RASGRP1: variants seen among roughly 807,000 people sequenced by gnomAD.
The protein encoded by RASGRP1 is RAS guanyl-releasing protein 1.
RASGRP1 carries 37 observed loss-of-function variants against 95.1 expected under a neutral mutation model. That is an observed-to-expected ratio of 0.39 (90% CI 0.30 to 0.51). The LOEUF (loss-of-function observed/expected upper bound fraction) is 0.51. RASGRP1 is among the 20% of genes least tolerant of loss of function. The pLI is 0.80. For missense variants in RASGRP1, 711 were observed against 965.4 expected (o/e 0.74, Z 3.49); for synonymous variants, 325 against 353.4 (o/e 0.92, Z 0.90).
chr15:38,498,383 ATATAT>A (rs1322312626), intron 15 of RASGRP1, among the ~76,000 whole-genome samples: 4 of 152,108 alleles, frequency 2.6e-5, no homozygotes, highest in African/African-American at 7.2e-5. Context: ...AATGTGATTT[ATATAT>A]TATATATGTT....
At chr15:38,497,941 T>C (rs1164130330) in intron 15 of RASGRP1, among the ~76,000 whole-genome samples, 2 of 152,202 alleles carry the variant, frequency 1.3e-5, no homozygotes, top group Non-Finnish European at 2.9e-5. Flanking sequence ...CCTTTCTACA[T>C]TTAGCCTTCT....
chr15:38,497,039 A>G (rs886557123), intron 15 of RASGRP1, among the ~76,000 whole-genome samples: 5 of 152,232 alleles, frequency 3.3e-5, no homozygotes, highest in Non-Finnish European at 4.4e-5. Flanking sequence ...AGTGCTTTAT[A>G]TAAATAAACT....
intron 2 of RASGRP1, among the ~76,000 whole-genome samples, chr15:38,544,746 C>G (rs377658668): frequency 6.6e-6 from 1 of 152,208 alleles, no homozygotes; most frequent in Non-Finnish European, 1.5e-5. Flanking sequence ...TAAGATACTC[C>G]GCAAGGCAAG....
Position 38,516,262 on chromosome 15 carries a change from G to C in RASGRP1, c.610C>G (p.Leu204Val). 1.2e-6 allele frequency: 2 copies of C among 1,601,858 alleles called. No homozygotes were observed. The highest frequency in any genetic ancestry group is 1.7e-6 in the Non-Finnish European group (2 of 1,168,914). ...KRKVSLLFDH[L>V]EPEELSEHLT... ...TGCTCGGATAGCTCTTCTGGTTCCA[G>C]ATGGTCAAAGAGCAGGGAGACTTTC... Residue 204 changes from leucine (L) to valine (V), a missense_variant, in exon 6 of 17, where the codon CTG becomes GTG. Leu to Val is a conservative substitution (Grantham distance 32). This residue lies in a region of RASGRP1 where 491 missense variants were observed against 676.6 expected (regional missense o/e 0.73). Transcript: ENST00000310803.
rs1284567130 is a variant in RASGRP1, at chr15:38,488,911, G to A, written c.*1643C>T. The stretch of plus-strand genomic sequence containing the variant: ...ATTTCTGAGTTTAAATTTGGAAAAC[G>A]GTAAATACGTGTGTAAAACTATTCT... On this transcript the variant is annotated 3_prime_UTR_variant, in exon 17 of 17. Transcript: ENST00000310803. 1.3e-5 allele frequency: 2 copies of A among 151,908 alleles called. No individual in the cohort carries two copies. Among genetic ancestry groups the A allele is most frequent in the African/African-American group, 2.4e-5 (1 of 41,392 alleles). The allele number at this position is 151,908 out of a possible 1,614,324, so 9.4% of individuals were successfully genotyped here.
chr15:38,511,524 G>A (rs1313892276), intron 8 of RASGRP1, 80 bp downstream of exon 8: 1 of 1,107,374 alleles, frequency 9.0e-7, no homozygotes, highest in Non-Finnish European at 1.4e-6. Context: ...AATGCTCTCT[G>A]GGCTGCCCAC....
At chr15:38,564,569 G>A in intron 1 of RASGRP1, 25 bp downstream of exon 1, 3 of 1,367,678 alleles carry the variant, frequency 2.2e-6, no homozygotes, top group Non-Finnish European at 2.9e-6. Context: ...AGGCGCTCCC[G>A]AGGGCCACGG....
In RASGRP1 at chr15:38,502,400, GATC is replaced by G. The variant is rs1163072042; in HGVS notation, c.1447_1449del (p.Asp483del). On this transcript the variant is annotated inframe_deletion, in exon 12 of 17. Transcript: ENST00000310803. ...TGAGAAATGTATCCATCCTGGTCGT[GATC>G]ATAGTTCTTGAAGACAGACTGTGAA... 10 of 1,600,588 alleles carry G rather than the reference GATC, an allele frequency of 6.2e-6. No homozygotes were observed. Among genetic ancestry groups the G allele is most frequent in the Non-Finnish European group, 8.6e-6 (10 of 1,168,090 alleles).
chr15:38,516,481 A>G (rs1340891233), intron 5 of RASGRP1, 131 bp from the exon 6 acceptor site: 1 of 1,129,108 alleles, frequency 8.9e-7, no homozygotes, highest in Non-Finnish European at 1.3e-6. Context: ...GAATGCCAAA[A>G]CAGTGCATTC....
intron 2 of RASGRP1, among the ~76,000 whole-genome samples, chr15:38,527,092 T>G (rs1392124937): frequency 6.6e-6 from 1 of 152,240 alleles, no homozygotes; most frequent in African/African-American, 2.4e-5. Context: ...TAAGATGCAT[T>G]TATACACTGG....
chr15:38,505,279 G>A (rs931753651), intron 10 of RASGRP1, among the ~76,000 whole-genome samples: 1 of 152,176 alleles, frequency 6.6e-6, no homozygotes, highest in Non-Finnish European at 1.5e-5. Flanking sequence ...TGCCAGGACT[G>A]TGTACTATTT....
intron 8 of RASGRP1, among the ~76,000 whole-genome samples, chr15:38,510,491 G>T (rs1157962738): frequency 6.6e-6 from 1 of 152,164 alleles, no homozygotes; most frequent in East Asian, 1.9e-4. Flanking sequence ...AAACAGATGG[G>T]GTAATGAGCT....
At position 38,524,968 on chromosome 15, in the gene RASGRP1, TTC is replaced by T. The variant is rs1892156147; in HGVS notation, c.326+1329_326+1330del. ...CAGGAACCCCGAGGTACAATTTTCT[TTC>T]TTTTTTTTTTTTTTTGAGACAGAGT... On this transcript the variant is annotated intron_variant, in intron 3 of 16. Transcript: ENST00000310803. 2.7e-5 allele frequency among the ~76,000 whole-genome samples: 3 copies of T among 110,918 alleles called. 1 individual carries two copies. The highest frequency in any genetic ancestry group is 1.1e-4 in the African/African-American group (3 of 28,080). 72.8% of individuals were successfully genotyped at this position (110,918 alleles called of 152,430 possible).
At chr15:38,522,013 A>C (rs139793935) in intron 3 of RASGRP1, among the ~76,000 whole-genome samples, 1 of 152,192 alleles carries the variant, frequency 6.6e-6, no homozygotes, top group Non-Finnish European at 1.5e-5. Flanking sequence ...CAAAGCCCAG[A>C]TATCACAGGT....
intron 9 of RASGRP1, among the ~76,000 whole-genome samples, chr15:38,506,777 A>G (rs1335141044): frequency 6.6e-6 from 1 of 152,196 alleles, no homozygotes; most frequent in Non-Finnish European, 1.5e-5. Flanking sequence ...TTGAAATTAC[A>G]TGCATATTTA....
In RASGRP1 at chr15:38,564,635, G is replaced by A. The variant is rs750850823; in HGVS notation, c.-7C>T. The A allele has an allele frequency of 1.9e-5, 25 of 1,337,022 alleles. No individual in the cohort carries two copies. In the South Asian group the frequency reaches 4.1e-4, roughly 22 times the overall value. 82.8% of individuals were successfully genotyped at this position (1,337,022 alleles called of 1,614,324 possible). ...CCTTGCCCAGGGTGCCCATGGCCGC[G>A]GCCCGCGCTCCCGGTGCCGGCTCAC... On this transcript the variant is annotated 5_prime_UTR_variant, in exon 1 of 17. Coordinates refer to ENST00000310803, the MANE Select transcript of RASGRP1 (RefSeq NM_005739.4).
chr15:38,548,043 G>T (rs1387938793), intron 2 of RASGRP1, among the ~76,000 whole-genome samples: 3 of 150,956 alleles, frequency 2.0e-5, no homozygotes, highest in Non-Finnish European at 4.4e-5. Context: ...TGGGGAATGC[G>T]CTGTGACACG....
chr15:38,491,281 A>T (rs1381880576), intron 16 of RASGRP1, among the ~76,000 whole-genome samples: 2 of 152,114 alleles, frequency 1.3e-5, no homozygotes, highest in African/African-American at 2.4e-5. Context: ...AGAGAATATT[A>T]TATATAGACA....
intron 3 of RASGRP1, among the ~76,000 whole-genome samples, chr15:38,521,363 G>A (rs186296845): frequency 6.6e-5 from 10 of 152,214 alleles, no homozygotes; most frequent in South Asian, 6.2e-4. Flanking sequence ...GACTTTTACC[G>A]TGTCATTCAC....
Sources: allele counts gnomAD v4.1 joint callset (sites outside exome capture counted in the v4.1 genomes callset), GRCh38; gene constraint gnomAD v4.1.1; regional missense constraint gnomAD v4.1.1; transcripts MANE v1.5; gene names NCBI Gene and HGNC (gene_info 2026-07-23, HGNC 2026-07-21).